The following DNER variants were observed in gnomAD, a reference collection of about 807,000 sequenced individuals.
DNER encodes delta/notch like EGF repeat containing, also known as delta and Notch-like epidermal growth factor-related receptor.
A neutral mutation model predicts 78.2 loss-of-function variants in DNER; 33 were observed. The ratio of observed to expected loss-of-function variants is 0.42; its 90% CI spans 0.32 to 0.56. The LOEUF (loss-of-function observed/expected upper bound fraction) is 0.56. DNER is among the 20% of genes least tolerant of loss of function. The probability of loss-of-function intolerance (pLI) is 0.11; values close to 1 mark genes in which losing one functional copy is unlikely to be tolerated. For synonymous variants in DNER, 417 were observed against 384.8 expected, an observed-to-expected ratio of 1.08 and a Z score of -0.98; for missense variants, 918 against 975.3, an observed-to-expected ratio of 0.94 and a Z score of 0.78.
rs552259689 is a variant in DNER at position 229,633,454 on chromosome 2, C to A, written c.277-41566G>T. The stretch of plus-strand genomic sequence containing the variant: ...TCTTGCTAAACATAATGGTGTTATG[C>A]CACCTTATTTTTAAAAATAAAAAAT... On this transcript the variant is annotated intron_variant, in intron 1 of 12. Coordinates refer to ENST00000341772, the MANE Select transcript of DNER (RefSeq NM_139072.4). Among the ~76,000 whole-genome samples the A allele has an allele frequency of 4.6e-5, 7 of 152,168 alleles. No individual in the cohort carries two copies. The South Asian group carries it at 1.0e-3, about 23-fold the overall frequency.
At chr2:229,559,770 G>A (rs891968423) in intron 4 of DNER, among the ~76,000 whole-genome samples, 2 of 152,158 alleles carry the variant, frequency 1.3e-5, no homozygotes, top group Non-Finnish European at 2.9e-5. Context: ...AGATTATCCA[G>A]GGATCTGTTA....
intron 7 of DNER, among the ~76,000 whole-genome samples, chr2:229,462,485 A>G (rs1211502635): frequency 1.3e-5 from 2 of 152,044 alleles, no homozygotes; most frequent in Non-Finnish European, 2.9e-5. Context: ...GAACCCCCAT[A>G]TCCATCCAAT....
intron 1 of DNER, among the ~76,000 whole-genome samples, chr2:229,596,403 T>C (rs1196361466): frequency 1.3e-5 from 2 of 152,252 alleles, no homozygotes; most frequent in Non-Finnish European, 2.9e-5. Context: ...TCTGTCGACC[T>C]GAGAGGTAAG....
chr2:229,380,028 T>C (rs1449049717), intron 11 of DNER, among the ~76,000 whole-genome samples: 1 of 152,196 alleles, frequency 6.6e-6, no homozygotes, highest in Non-Finnish European at 1.5e-5. Context: ...CTTCACACTT[T>C]GGCTGCATGA....
In DNER at chr2:229,661,326, T is replaced by C. The variant is rs559006182; in HGVS notation, c.276+52822A>G. 1.6e-3 allele frequency among the ~76,000 whole-genome samples: 249 copies of C among 152,220 alleles called. No homozygotes were observed. In the Middle Eastern group the frequency reaches 0.017, roughly 10 times the overall value. On this transcript the variant is annotated intron_variant, in intron 1 of 12. Transcript: ENST00000341772. ...TCCCCCACACCTCCCCAAAAAAAACTTGTTACTCAGTACATGATTCATTGC... is the reference window on the plus strand; with the variant it reads ...TCCCCCACACCTCCCCAAAAAAAACCTGTTACTCAGTACATGATTCATTGC...
intron 6 of DNER, among the ~76,000 whole-genome samples, chr2:229,510,213 C>T (rs371903590): frequency 2.4e-4 from 36 of 152,172 alleles, no homozygotes; most frequent in African/African-American, 8.7e-4. Flanking sequence ...AAGACATATC[C>T]TGGTGCAGAA....
chr2:229,674,231 T>C (rs1176574734), intron 1 of DNER, among the ~76,000 whole-genome samples: 1 of 152,216 alleles, frequency 6.6e-6, no homozygotes, highest in Non-Finnish European at 1.5e-5. Context: ...TTATGCTAAT[T>C]TGAAAGTGTC....
At chr2:229,555,555 CT>C (rs1696840995) in intron 4 of DNER, among the ~76,000 whole-genome samples, 1 of 152,194 alleles carries the variant, frequency 6.6e-6, no homozygotes, top group African/African-American at 2.4e-5. Flanking sequence ...TCATGTACCT[CT>C]TCCTGATCAT....
chr2:229,470,307 T>A (rs545922843), intron 7 of DNER, among the ~76,000 whole-genome samples: 1 of 152,236 alleles, frequency 6.6e-6, no homozygotes, highest in East Asian at 1.9e-4. Context: ...CTGCCCTCTG[T>A]CAGCACTAAA....
chr2:229,395,362 G>C lies in DNER; in HGVS notation c.1724-6966C>G, dbSNP rs1043658470. Among the ~76,000 whole-genome samples, 5 of 152,200 alleles carry C rather than the reference G, an allele frequency of 3.3e-5. No individual in the cohort carries two copies. The East Asian group carries it at 9.6e-4, about 29-fold the overall frequency. On this transcript the variant is annotated intron_variant, in intron 10 of 12. Transcript: ENST00000341772. ...CCTACTATGGGATAAAACACCCTTT[G>C]GGGGATGGGCTGATCACAGAGTGGG...
chr2:229,404,354 C>T (rs982492382), intron 10 of DNER, among the ~76,000 whole-genome samples: 4 of 152,082 alleles, frequency 2.6e-5, no homozygotes, highest in South Asian at 2.1e-4. Flanking sequence ...CTTCACAGGG[C>T]GGCAGGAGAC....
At chr2:229,526,569 C>A (rs1696212776) in intron 5 of DNER, among the ~76,000 whole-genome samples, 2 of 152,178 alleles carry the variant, frequency 1.3e-5, no homozygotes, top group Admixed American at 6.5e-5. Context: ...GCTCATCGGG[C>A]ATTAGCTAGA....
At chr2:229,416,571 C>A (rs182341372) in intron 9 of DNER, among the ~76,000 whole-genome samples, 1 of 152,102 alleles carries the variant, frequency 6.6e-6, no homozygotes, top group Non-Finnish European at 1.5e-5. Flanking sequence ...GACAGCAGCC[C>A]GTAGCCATGA....
At chr2:229,551,313 A>C (rs916946115) in intron 4 of DNER, among the ~76,000 whole-genome samples, 4 of 152,192 alleles carry the variant, frequency 2.6e-5, no homozygotes, top group African/African-American at 4.8e-5. Context: ...AGCCTCTAAA[A>C]ATTTAATAGG....
chr2:229,541,918 T>TTATAAATTATATTTATATTTATATA, intron 5 of DNER, among the ~76,000 whole-genome samples: 1 of 147,192 alleles, frequency 6.8e-6, no homozygotes, highest in Non-Finnish European at 1.5e-5. Flanking sequence ...ATATTTATAT[T>TTATAAATTATATTTATATTTATATA]TATAAATTAT....
chr2:229,556,953 T>C (rs1400869230), intron 4 of DNER, among the ~76,000 whole-genome samples: 1 of 152,194 alleles, frequency 6.6e-6, no homozygotes, highest in Non-Finnish European at 1.5e-5. Flanking sequence ...GTTGTTTATA[T>C]CTCCCTTTGA....
chr2:229,546,230 C>T (rs1574895616), intron 5 of DNER, among the ~76,000 whole-genome samples: 2 of 152,218 alleles, frequency 1.3e-5, no homozygotes, highest in Admixed American at 1.3e-4. Flanking sequence ...ATACAGTGCA[C>T]TTTCCCCATC....
chr2:229,563,542 C>T (rs574019052), intron 4 of DNER, among the ~76,000 whole-genome samples: 3 of 148,932 alleles, frequency 2.0e-5, no homozygotes, highest in Admixed American at 6.7e-5. Context: ...TCGTCATCAC[C>T]CCATCACCAT....
intron 6 of DNER, among the ~76,000 whole-genome samples, chr2:229,504,224 A>G (rs570743404): frequency 3.3e-5 from 5 of 151,586 alleles, no homozygotes; most frequent in Admixed American, 2.0e-4. Flanking sequence ...TTATTTATTT[A>G]CTTACTTATT....
Sources: gnomAD v4.1 joint callset for allele counts (sites outside exome capture counted in the v4.1 genomes callset) on GRCh38, gnomAD v4.1.1 for gene constraint, MANE v1.5 for transcripts, NCBI Gene and HGNC (gene_info 2026-07-23, HGNC 2026-07-21) for gene names.